The following ANOS1 variants were observed in gnomAD, a reference collection of about 807,000 sequenced individuals.
ANOS1 encodes anosmin-1.
ANOS1 carries 6 observed loss-of-function variants against 59.0 expected under a neutral mutation model. The observed-to-expected ratio is 0.10, with a 90% CI of 0.06 to 0.20. The LOEUF is 0.20. Among genes scored for constraint, ANOS1 ranks in the 10% least tolerant of loss-of-function variants. The pLI is 1.00. For synonymous variants in ANOS1, 217 were observed against 223.4 expected (o/e 0.97, Z 0.25); for missense variants, 433 against 542.3 (o/e 0.80, Z 2.00).
chrX:8,594,654 ATG>A (rs1245128075), intron 4 of ANOS1, among the ~76,000 whole-genome samples: 2 of 30,265 alleles, frequency 6.6e-5, no homozygotes, highest in South Asian at 2.9e-3. Context: ...ATATATATAT[ATG>A]TGTATATATA....
chrX:8,569,591 G>A (rs773631450), intron 7 of ANOS1, among the ~76,000 whole-genome samples: 5 of 111,918 alleles, frequency 4.5e-5, no homozygotes, highest in East Asian at 2.8e-4. Context: ...GCAGTGAGCC[G>A]AGATTGCTCC....
chrX:8,708,429 A>G (rs1201403293), intron 1 of ANOS1, among the ~76,000 whole-genome samples: 2 of 111,863 alleles, frequency 1.8e-5, no homozygotes, highest in Non-Finnish European at 3.8e-5. Flanking sequence ...AAAAAATCAA[A>G]CAACCCCATC....
chrX:8,701,990 A>T (rs1932759068), intron 1 of ANOS1, among the ~76,000 whole-genome samples: 1 of 111,635 alleles, frequency 9.0e-6, no homozygotes, highest in African/African-American at 3.3e-5. Context: ...ACTCCTAATA[A>T]TTCCTACACA....
intron 1 of ANOS1, among the ~76,000 whole-genome samples, chrX:8,703,374 C>T (rs193055789): frequency 8.4e-4 from 94 of 112,081 alleles, no homozygotes; most frequent in African/African-American, 2.5e-3. Context: ...ATCACTAACG[C>T]GGCAATACAC....
intron 1 of ANOS1, among the ~76,000 whole-genome samples, chrX:8,713,453 C>G (rs1013295496): frequency 9.0e-6 from 1 of 110,984 alleles, no homozygotes; most frequent in African/African-American, 3.3e-5. Flanking sequence ...ACCTTACACT[C>G]GTAGAATCAA....
At chrX:8,583,170 A>G (rs1259681057) in intron 6 of ANOS1, among the ~76,000 whole-genome samples, 5 of 108,011 alleles carry the variant, frequency 4.6e-5, no homozygotes, top group African/African-American at 1.7e-4. Context: ...GAATAGATCA[A>G]GTACCAAGCT....
intron 2 of ANOS1, among the ~76,000 whole-genome samples, chrX:8,674,091 G>C (rs1055322353): frequency 8.9e-6 from 1 of 111,980 alleles, no homozygotes; most frequent in Non-Finnish European, 1.9e-5. Context: ...TAAACCAAGT[G>C]TAACAACCTT....
chrX:8,697,330 C>T (rs191211751), intron 2 of ANOS1, among the ~76,000 whole-genome samples: 1 of 111,948 alleles, frequency 8.9e-6, no homozygotes, highest in East Asian at 2.8e-4. Flanking sequence ...CAGAATAGGG[C>T]TTTGGATTTT....
chrX:8,616,188 C>T (rs5934464), intron 3 of ANOS1, among the ~76,000 whole-genome samples: 43,095 of 109,912 alleles, frequency 0.39, 6,127 homozygotes, highest in South Asian at 0.45. Flanking sequence ...ACAGTGAGCT[C>T]CCTGTCGCAG....
At chrX:8,637,648 A>C (rs775684894) in intron 2 of ANOS1, among the ~76,000 whole-genome samples, 18 of 111,964 alleles carry the variant, frequency 1.6e-4, no homozygotes, top group Non-Finnish European at 3.2e-4. Flanking sequence ...ATAAATTTAA[A>C]TCTATAAAGC....
At position 8,529,065 on chromosome X, in the gene ANOS1, AAAT is replaced by A. The variant is rs1743303997; in HGVS notation, c.*3927_*3929del. 1 of 112,434 alleles carries A rather than the reference AAAT, an allele frequency of 8.9e-6. No individual in the cohort carries two copies. Among genetic ancestry groups the A allele is most frequent in the Non-Finnish European group, 1.9e-5 (1 of 53,374 alleles). 9.3% of individuals were successfully genotyped at this position (112,434 alleles called of 1,213,427 possible). ...AACTTTTTTTATTACATACATAAAT[AAAT>A]ATTGACTTTAAATGACCACTGTAAG... is the stretch of plus-strand genomic sequence containing the variant. On this transcript the variant is annotated 3_prime_UTR_variant, in exon 14 of 14. Coordinates refer to ENST00000262648, the MANE Select transcript of ANOS1 (RefSeq NM_000216.4).
chrX:8,705,762 T>G (rs1932776390), intron 1 of ANOS1, among the ~76,000 whole-genome samples: 1 of 112,563 alleles, frequency 8.9e-6, no homozygotes, highest in South Asian at 3.7e-4. Flanking sequence ...AAAGATAAAA[T>G]AACAGTATTT....
intron 6 of ANOS1, among the ~76,000 whole-genome samples, chrX:8,580,977 A>G (rs1015586393): frequency 1.8e-5 from 2 of 111,858 alleles, no homozygotes; most frequent in South Asian, 3.8e-4. Context: ...CACAGTTTCA[A>G]TTCTGGAGCA....
At chrX:8,583,781 C>T (rs1436612819) in intron 6 of ANOS1, among the ~76,000 whole-genome samples, 2 of 112,071 alleles carry the variant, frequency 1.8e-5, no homozygotes, top group Non-Finnish European at 3.8e-5. Flanking sequence ...GCAATAGTTG[C>T]ATTTTCATTC....
chrX:8,631,721 A>C (rs892932586), intron 2 of ANOS1, among the ~76,000 whole-genome samples: 16 of 111,707 alleles, frequency 1.4e-4, no homozygotes, highest in African/African-American at 4.6e-4. Context: ...AAGGTCCCAG[A>C]GACTGTTGTA....
intron 1 of ANOS1, among the ~76,000 whole-genome samples, chrX:8,731,065 A>G (rs1439713142): frequency 8.9e-6 from 1 of 112,289 alleles, no homozygotes; most frequent in Non-Finnish European, 1.9e-5. Flanking sequence ...GAAAGAACCT[A>G]CGTTCGGGGT....
intron 2 of ANOS1, among the ~76,000 whole-genome samples, chrX:8,685,889 C>T (rs775684751): frequency 4.5e-5 from 5 of 111,701 alleles, no homozygotes; most frequent in Non-Finnish European, 9.4e-5. Flanking sequence ...GATTCTTTGA[C>T]CTCTGCTATT....
At position 8,731,937 on chromosome X, in the gene ANOS1, G is replaced by A; in HGVS notation, c.100C>T (p.Arg34Trp). 1 of 1,141,393 alleles carries A rather than the reference G, an allele frequency of 8.8e-7. No homozygotes were observed. Among genetic ancestry groups the A allele is most frequent in the Non-Finnish European group, 1.2e-6 (1 of 863,574 alleles). The allele number at this position is 1,141,393 out of a possible 1,213,427, so 94.1% of individuals were successfully genotyped here. ...AAGPGAAAAR[R>W]LDESLSAGSV... Reference sequence around the variant, plus strand: ...CCGGCAGACAGCGACTCGTCCAGCCGCCGCGCAGCAGCCGCGCCGGGGCCG... The same window carrying A: ...CCGGCAGACAGCGACTCGTCCAGCCACCGCGCAGCAGCCGCGCCGGGGCCG... Residue 34 changes from arginine to tryptophan, a missense_variant, in exon 1 of 14, where the codon CGG becomes TGG. Arg to Trp is a moderately radical substitution (Grantham distance 101). Coordinates refer to ENST00000262648, the MANE Select transcript of ANOS1 (RefSeq NM_000216.4).
intron 2 of ANOS1, among the ~76,000 whole-genome samples, chrX:8,668,396 T>TAC (rs1229689949): frequency 2.2e-5 from 1 of 44,630 alleles, no homozygotes; most frequent in African/African-American, 1.1e-4. Context: ...TATTCCATCA[T>TAC]ATATATATAT....
Sources: gnomAD v4.1 joint callset for allele counts (sites outside exome capture counted in the v4.1 genomes callset) on GRCh38, gnomAD v4.1.1 for gene constraint, MANE v1.5 for transcripts, NCBI Gene and HGNC (gene_info 2026-07-23, HGNC 2026-07-21) for gene names.